TNFSF8: variants seen among roughly 807,000 people sequenced by gnomAD.
TNFSF8 encodes TNF superfamily member 8, also known as tumor necrosis factor ligand superfamily member 8.
A neutral mutation model predicts 22.0 loss-of-function variants in TNFSF8; 4 were observed. The ratio of observed to expected loss-of-function variants is 0.18; its 90% confidence interval spans 0.09 to 0.42. TNFSF8 has a LOEUF of 0.42. TNFSF8 is among the 10% of genes least tolerant of loss of function. The pLI is 1.00. For missense variants in TNFSF8, 233 were observed against 281.8 expected, an observed-to-expected ratio of 0.83 and a Z score of 1.24; for synonymous variants, 106 against 112.5, an observed-to-expected ratio of 0.94 and a Z score of 0.37.
chr9:114,909,131 G>GC (rs1827821666), intron 2 of TNFSF8, among the ~76,000 whole-genome samples: 1 of 152,324 alleles, frequency 6.6e-6, no homozygotes, highest in Admixed American at 6.5e-5. Context: ...GGCTGCTTTG[G>GC]AGGTCATGAG....
chr9:114,904,660 C>T (rs1564367787), intron 3 of TNFSF8, among the ~76,000 whole-genome samples: 1 of 152,146 alleles, frequency 6.6e-6, no homozygotes, highest in Non-Finnish European at 1.5e-5. Flanking sequence ...CCTTTTCAGA[C>T]TATAAGCTCC....
At chr9:114,913,613 G>C (rs1214050010) in intron 2 of TNFSF8, among the ~76,000 whole-genome samples, 1 of 152,128 alleles carries the variant, frequency 6.6e-6, no homozygotes, top group Admixed American at 6.6e-5. Flanking sequence ...AAGGATTTGC[G>C]GTACTGAGTT....
At chr9:114,923,523 T>TTTC (rs1491120828) in intron 1 of TNFSF8, among the ~76,000 whole-genome samples, 4 of 31,498 alleles carry the variant, frequency 1.3e-4, no homozygotes, top group South Asian at 1.4e-3. Flanking sequence ...TCTTTCTTTC[T>TTTC]TTTTTTTTTT....
chr9:114,899,513 T>C (rs1446035495), downstream of TNFSF8, among the ~76,000 whole-genome samples: 1 of 152,170 alleles, frequency 6.6e-6, no homozygotes, highest in African/African-American at 2.4e-5. Flanking sequence ...TACAGACATT[T>C]GATCTTGGGG....
Position 114,901,202 on chromosome 9 carries a change from T to G in TNFSF8, c.*2729A>C. 1.0e-6 allele frequency: 1 copy of G among 985,440 alleles called. No individual in the cohort carries two copies. 61.0% of individuals were successfully genotyped at this position (985,440 alleles called of 1,614,324 possible). A position where few individuals can be genotyped will look rare whatever the true frequency, so the allele number is the denominator to read the frequency against. On this transcript the variant is annotated 3_prime_UTR_variant, in exon 4 of 4. Coordinates refer to ENST00000223795, the MANE Select transcript of TNFSF8 (RefSeq NM_001244.4). The stretch of plus-strand genomic sequence containing the variant: ...CATAGATATCATTTTACTCATGGAG[T>G]ATCATTTGCTCATAACATTCCCAGG...
At chr9:114,926,218 G>T (rs1316599219) in intron 1 of TNFSF8, among the ~76,000 whole-genome samples, 1 of 152,042 alleles carries the variant, frequency 6.6e-6, no homozygotes. Context: ...TTATTGAAGC[G>T]AAAATGCACA....
intron 2 of TNFSF8, among the ~76,000 whole-genome samples, chr9:114,907,691 G>T (rs1224271636): frequency 6.6e-6 from 1 of 152,128 alleles, no homozygotes; most frequent in Non-Finnish European, 1.5e-5. Context: ...ATAACGAGGA[G>T]GAACAGTGAT....
chr9:114,923,802 G>A, intron 1 of TNFSF8, among the ~76,000 whole-genome samples: 1 of 152,068 alleles, frequency 6.6e-6, no homozygotes, highest in East Asian at 1.9e-4. Flanking sequence ...ACAGGCATGA[G>A]CCACTGCTCC....
chr9:114,903,958 G>A lies in TNFSF8; in HGVS notation c.678C>T (p.Ser226=), dbSNP rs1278252052. ...AGTCTGAATTACTGTATAAGAAGAT[G>A]GACAACACATTCTCAAGAGGAAAGG... ...TSTFPLENVL[S]IFLYSNSD The change falls in exon 4 of 4, where the codon TCC becomes TCT. Residue 226 remains serine, a synonymous_variant. Coordinates refer to ENST00000223795, the MANE Select transcript of TNFSF8 (RefSeq NM_001244.4). 2.5e-6 allele frequency: 4 copies of A among 1,613,240 alleles called. No individual in the cohort carries two copies. The highest frequency in any genetic ancestry group is 3.4e-6 in the Non-Finnish European group (4 of 1,179,558).
At chr9:114,913,352 A>T (rs1027220379) in intron 2 of TNFSF8, among the ~76,000 whole-genome samples, 4 of 152,122 alleles carry the variant, frequency 2.6e-5, no homozygotes, top group African/African-American at 9.7e-5. Flanking sequence ...AAGGCACATG[A>T]CCCTTCAGCT....
rs919039494 is a variant in TNFSF8 at position 114,930,395 on chromosome 9, G to T, written c.-92C>A. On this transcript the variant is annotated 5_prime_UTR_variant, in exon 1 of 4. An upstream open reading frame in the 5' UTR gains an earlier in-frame stop. Transcript: ENST00000223795. Reference sequence around the variant, plus strand: ...CTGTTCCAAGAAGGATTCTCCCCCTGAATCCTGAATCATGTGACTTGGAAA... The same window carrying T: ...CTGTTCCAAGAAGGATTCTCCCCCTTAATCCTGAATCATGTGACTTGGAAA... 6.6e-5 allele frequency: 70 copies of T among 1,067,698 alleles called. No individual in the cohort carries two copies. The Middle Eastern group carries it at 1.4e-3, about 21-fold the overall frequency. 66.1% of individuals were successfully genotyped at this position (1,067,698 alleles called of 1,614,324 possible).
At chr9:114,917,347 T>C (rs1827932169) in intron 2 of TNFSF8, among the ~76,000 whole-genome samples, 1 of 152,224 alleles carries the variant, frequency 6.6e-6, no homozygotes, top group South Asian at 2.1e-4. Flanking sequence ...TGAGGACATC[T>C]TTCTGGGTTC....
At chr9:114,918,436 AG>A (rs1028436124) in intron 1 of TNFSF8, among the ~76,000 whole-genome samples, 1 of 149,730 alleles carries the variant, frequency 6.7e-6, no homozygotes, top group African/African-American at 2.4e-5. Flanking sequence ...ATAGAAGATC[AG>A]GGACCAGAGC....
rs1040395643 is a variant in TNFSF8, at chr9:114,930,453, C to G, written c.-150G>C. On this transcript the variant is annotated 5_prime_UTR_variant, in exon 1 of 4. Transcript: ENST00000223795. ...TCACCTGCTGCCTGGTGGAGAAACT[C>G]TTCTCTGGGGGCGTGAGGCGAGAGG... 3.5e-6 allele frequency: 2 copies of G among 564,860 alleles called. No individual in the cohort carries two copies. The highest frequency in any genetic ancestry group is 5.5e-6 in the Non-Finnish European group (2 of 366,188). 35.0% of individuals were successfully genotyped at this position (564,860 alleles called of 1,614,324 possible).
In TNFSF8 at chr9:114,902,292, G is replaced by A. The variant is rs1044208582; in HGVS notation, c.*1639C>T. 2.1e-5 allele frequency: 21 copies of A among 985,226 alleles called. No homozygotes were observed. In the Admixed American group the frequency reaches 2.5e-4, roughly 12 times the overall value. 61.0% of individuals were successfully genotyped at this position (985,226 alleles called of 1,614,324 possible). ...ACTTTGTGGGGATATAAAAACCCTCGCGGAACTGGTTTTCTGAGAGGTGTT... is the reference window on the plus strand; with the variant it reads ...ACTTTGTGGGGATATAAAAACCCTCACGGAACTGGTTTTCTGAGAGGTGTT... On this transcript the variant is annotated 3_prime_UTR_variant, in exon 4 of 4. Transcript: ENST00000223795.
intron 2 of TNFSF8, among the ~76,000 whole-genome samples, chr9:114,908,909 G>A (rs940413446): frequency 5.3e-5 from 8 of 152,156 alleles, no homozygotes; most frequent in Non-Finnish European, 1.0e-4. Flanking sequence ...TGCTTGATGA[G>A]GCTGTCGGCA....
downstream of TNFSF8, among the ~76,000 whole-genome samples, chr9:114,897,705 C>G (rs1827670887): frequency 6.6e-6 from 1 of 152,074 alleles, no homozygotes; most frequent in Non-Finnish European, 1.5e-5. Context: ...GGTGGCTAGG[C>G]AGAGCATGGA....
At chr9:114,894,226 G>A (rs955403538) in intron 4 of TNFSF8, 49 of 1,408,176 alleles carry the variant, frequency 3.5e-5, no homozygotes, top group Admixed American at 3.9e-5. Flanking sequence ...ACATTTTGAC[G>A]TTGTTGTTAC....
chr9:114,906,351 C>G (rs758897522), intron 2 of TNFSF8, among the ~76,000 whole-genome samples: 22 of 152,208 alleles, frequency 1.4e-4, no homozygotes, highest in Non-Finnish European at 2.8e-4. Context: ...AATGATAATA[C>G]TGATAGTAAA....
Sources: gnomAD v4.1 joint callset for allele counts (sites outside exome capture counted in the v4.1 genomes callset) on GRCh38, gnomAD v4.1.1 for gene constraint, MANE v1.5 for transcripts, NCBI Gene and HGNC (gene_info 2026-07-23, HGNC 2026-07-21) for gene names.